ATP8A2: variants seen among roughly 807,000 people sequenced by gnomAD.
ATP8A2 encodes the protein phospholipid-transporting ATPase IB.
In ATP8A2, 100 loss-of-function variants were observed where a neutral mutation model predicts 165.6. The observed-to-expected ratio is 0.60, with a 90% CI of 0.51 to 0.71. The LOEUF is 0.71. Among genes scored for constraint, ATP8A2 ranks in the 30% least tolerant of loss-of-function variants. The probability of loss-of-function intolerance (pLI) is 0.00; values close to 1 mark genes in which losing one functional copy is unlikely to be tolerated. For missense variants in ATP8A2, 1,227 were observed against 1,479.5 expected (o/e 0.83, Z 2.80); for synonymous variants, 543 against 548.8 (o/e 0.99, Z 0.15).
chr13:25,882,008 A>G (rs1952992327), intron 33 of ATP8A2, among the ~76,000 whole-genome samples: 1 of 152,134 alleles, frequency 6.6e-6, no homozygotes, highest in Non-Finnish European at 1.5e-5. Flanking sequence ...CAAAGAGAAA[A>G]AAGAGCCTGG....
intron 35 of ATP8A2, among the ~76,000 whole-genome samples, chr13:25,980,692 A>T (rs896353628): frequency 2.0e-5 from 3 of 152,172 alleles, no homozygotes; most frequent in Non-Finnish European, 4.4e-5. Context: ...ATAGAATCCC[A>T]TTCTCAAAGT....
In ATP8A2 at chr13:25,698,220, G is replaced by A. The variant is rs186530087; in HGVS notation, c.2212-953G>A. Among the ~76,000 whole-genome samples, 210 of 143,092 alleles carry A rather than the reference G, an allele frequency of 1.5e-3. No individual in the cohort carries two copies. The Middle Eastern group carries it at 0.015, about 10-fold the overall frequency. The allele number at this position is 143,092 out of a possible 152,430, so 93.9% of individuals were successfully genotyped here. On this transcript the variant is annotated intron_variant, in intron 24 of 36. Transcript: ENST00000381655. ...ATAAATTCACTGTGAAAACAAGAAC[G>A]TCTGTTTTTTTTTTTTTTTTAAAGA... is the stretch of plus-strand genomic sequence containing the variant.
At chr13:25,969,248 G>A (rs994136982) in intron 35 of ATP8A2, among the ~76,000 whole-genome samples, 2 of 152,160 alleles carry the variant, frequency 1.3e-5, no homozygotes, top group African/African-American at 4.8e-5. Context: ...ACATGAGCCT[G>A]CCCTTCCCCA....
chr13:25,594,982 G>GTA (rs1275140289), intron 24 of ATP8A2, among the ~76,000 whole-genome samples: 8 of 82,528 alleles, frequency 9.7e-5, no homozygotes, highest in African/African-American at 3.7e-4. Context: ...GTGTGTGTGT[G>GTA]TGTATATATA....
At chr13:25,908,881 C>A (rs887477047) in intron 33 of ATP8A2, among the ~76,000 whole-genome samples, 1 of 152,040 alleles carries the variant, frequency 6.6e-6, no homozygotes, top group African/African-American at 2.4e-5. Flanking sequence ...TTTTAGTGTG[C>A]AATGCTTAAC....
chr13:25,534,852 C>T (rs2038226494), intron 6 of ATP8A2, among the ~76,000 whole-genome samples: 1 of 152,216 alleles, frequency 6.6e-6, no homozygotes, highest in African/African-American at 2.4e-5. Context: ...TGGGCCCACT[C>T]CCAGGCTATC....
In ATP8A2 at chr13:26,025,035, C is replaced by T. The variant is rs539940052; in HGVS notation, c.*5050C>T. On this transcript the variant is annotated 3_prime_UTR_variant, in exon 37 of 37. Coordinates refer to ENST00000381655, the MANE Select transcript of ATP8A2 (RefSeq NM_016529.6). The stretch of plus-strand genomic sequence containing the variant: ...AGAGAGCAGGCTGCGAACTCACTTC[C>T]AATGGGATTGGAGTCTGTTGTATTC... The T allele has an allele frequency of 2.1e-5, 3 of 145,218 alleles. No individual in the cohort carries two copies. In the Admixed American group the frequency reaches 2.1e-4, roughly 10 times the overall value. The allele number at this position is 145,218 out of a possible 1,614,324, so 9.0% of individuals were successfully genotyped here. A position where few individuals can be genotyped will look rare whatever the true frequency, so the allele number is the denominator to read the frequency against.
chr13:25,605,166 T>G (rs975887185), intron 24 of ATP8A2, among the ~76,000 whole-genome samples: 1 of 152,218 alleles, frequency 6.6e-6, no homozygotes, highest in African/African-American at 2.4e-5. Context: ...GTCAAGTTCC[T>G]TCGTCAGTGA....
rs551142720 is a variant in ATP8A2, at chr13:25,411,882, A to G, written c.76+39594A>G. 2.6e-5 allele frequency among the ~76,000 whole-genome samples: 4 copies of G among 152,320 alleles called. No individual in the cohort carries two copies. In the East Asian group the frequency reaches 7.7e-4, roughly 29 times the overall value. On this transcript the variant is annotated intron_variant, in intron 1 of 36. Coordinates refer to ENST00000381655, the MANE Select transcript of ATP8A2 (RefSeq NM_016529.6). The stretch of plus-strand genomic sequence containing the variant: ...TGACTTTTACCTTTTCTTTTGCAGT[A>G]TGGAAAACAAATTAATAAAAAGAAC...
chr13:25,438,640 C>A, intron 1 of ATP8A2, among the ~76,000 whole-genome samples: 1 of 149,940 alleles, frequency 6.7e-6, no homozygotes. Context: ...GATCCTGTCT[C>A]CAAAAGAAAA....
Position 26,009,477 on chromosome 13 carries a change from T to C in ATP8A2, c.3378-3054T>C, listed in dbSNP as rs1956801215. Among the ~76,000 whole-genome samples the C allele has an allele frequency of 2.0e-5, 3 of 152,116 alleles. No individual in the cohort carries two copies. The South Asian group carries it at 6.2e-4, about 32-fold the overall frequency. On this transcript the variant is annotated intron_variant, in intron 35 of 36. Coordinates refer to ENST00000381655, the MANE Select transcript of ATP8A2 (RefSeq NM_016529.6). ...CCCACACATCCAGGTTCTGTTCACA[T>C]CCCCATGCAAAAAGCACCCCTTGGC...
chr13:25,748,817 G>T (rs944008761), intron 25 of ATP8A2, among the ~76,000 whole-genome samples: 3 of 152,192 alleles, frequency 2.0e-5, no homozygotes, highest in African/African-American at 7.2e-5. Flanking sequence ...TGTATTAGCA[G>T]TTATTCTGGT....
At chr13:25,438,345 T>C (rs74959400) in intron 1 of ATP8A2, among the ~76,000 whole-genome samples, 2,692 of 152,314 alleles carry the variant, frequency 0.018, 83 homozygotes, top group African/African-American at 0.061. Flanking sequence ...AAGAGATGAA[T>C]TAGAAAATGT....
chr13:25,854,369 T>C (rs1952093769), intron 30 of ATP8A2, among the ~76,000 whole-genome samples: 1 of 152,326 alleles, frequency 6.6e-6, no homozygotes, highest in African/African-American at 2.4e-5. Context: ...AGGGTCTTGC[T>C]CTGTCACCCA....
chr13:25,912,987 A>G (rs1221532810), intron 33 of ATP8A2, among the ~76,000 whole-genome samples: 2 of 152,212 alleles, frequency 1.3e-5, no homozygotes, highest in East Asian at 3.9e-4. Flanking sequence ...CACCTGTGTG[A>G]CTTTTAGCAA....
At chr13:25,915,566 A>G (rs1488279414) in intron 33 of ATP8A2, among the ~76,000 whole-genome samples, 1 of 152,216 alleles carries the variant, frequency 6.6e-6, no homozygotes, top group Non-Finnish European at 1.5e-5. Context: ...GGAAACCTCC[A>G]GGCACAGGGG....
At chr13:25,531,137 G>GTATGTATATGT (rs2038020726) in intron 4 of ATP8A2, among the ~76,000 whole-genome samples, 1 of 135,520 alleles carries the variant, frequency 7.4e-6, no homozygotes, top group African/African-American at 2.8e-5. Flanking sequence ...GTGTGTGTGT[G>GTATGTATATGT]TATATATATG....
chr13:25,762,506 G>A (rs1474541487), intron 25 of ATP8A2, among the ~76,000 whole-genome samples: 1 of 152,076 alleles, frequency 6.6e-6, no homozygotes, highest in African/African-American at 2.4e-5. Context: ...CTCTCCATCT[G>A]TGCATAGGCT....
chr13:25,695,845 C>A (rs1316300274), intron 24 of ATP8A2, among the ~76,000 whole-genome samples: 9 of 152,164 alleles, frequency 5.9e-5, no homozygotes, highest in Non-Finnish European at 1.3e-4. Context: ...CAACTTCTTC[C>A]AAACTCCTCT....
Sources: gnomAD v4.1 joint callset for allele counts (sites outside exome capture counted in the v4.1 genomes callset) on GRCh38, gnomAD v4.1.1 for gene constraint, MANE v1.5 for transcripts, NCBI Gene and HGNC (gene_info 2026-07-23, HGNC 2026-07-21) for gene names.